The following IL6R variants were observed in gnomAD, a reference collection of about 807,000 sequenced individuals.
IL6R encodes the protein interleukin 6 receptor.
Under a neutral mutation model 48.3 loss-of-function variants are expected in IL6R, and 38 were observed. That is an observed-to-expected ratio of 0.79 (90% CI 0.61 to 1.03). The LOEUF is 1.03. IL6R is among the 50% of genes least tolerant of loss of function. The pLI is 0.00. For missense variants in IL6R, 534 were observed against 618.3 expected, an observed-to-expected ratio of 0.86 and a Z score of 1.45; for synonymous variants, 264 against 256.2, an observed-to-expected ratio of 1.03 and a Z score of -0.29.
At chr1:154,456,858 G>A (rs1395885782) in intron 9 of IL6R, among the ~76,000 whole-genome samples, 1 of 152,154 alleles carries the variant, frequency 6.6e-6, no homozygotes, top group African/African-American at 2.4e-5. Context: ...AAGTTCTGTA[G>A]AGAAGGAAGT....
At chr1:154,430,680 A>T (rs1471504685) in intron 3 of IL6R, 74 bp downstream of exon 3, 2 of 1,579,022 alleles carry the variant, frequency 1.3e-6, no homozygotes, top group Non-Finnish European at 1.7e-6. Flanking sequence ...GGGCTGGTTC[A>T]GGTGATTTCA....
At chr1:154,465,099 A>C in intron 9 of IL6R, 35 bp from the exon 10 acceptor site, 1 of 1,612,312 alleles carries the variant, frequency 6.2e-7, no homozygotes, top group South Asian at 1.1e-5. Context: ...GGAGCTAAAA[A>C]TCTGTGTGGT....
intron 1 of IL6R, among the ~76,000 whole-genome samples, chr1:154,427,396 A>G (rs950707251): frequency 2.0e-5 from 3 of 152,112 alleles, no homozygotes; most frequent in African/African-American, 7.2e-5. Flanking sequence ...CCACCGTGGG[A>G]GAAAGTAAGG....
At chr1:154,456,788 A>G (rs1282349432) in intron 9 of IL6R, among the ~76,000 whole-genome samples, 3 of 152,110 alleles carry the variant, frequency 2.0e-5, no homozygotes, top group Admixed American at 6.5e-5. Context: ...GTAGATGGCA[A>G]TAAGAGTCAT....
At chr1:154,430,222 A>G (rs746641980) in intron 2 of IL6R, among the ~76,000 whole-genome samples, 5 of 152,114 alleles carry the variant, frequency 3.3e-5, no homozygotes, top group Non-Finnish European at 5.9e-5. Flanking sequence ...TCCCCTTCAG[A>G]CAAGTTGGTC....
Position 154,435,995 on chromosome 1 carries a change from C to T in IL6R, c.834C>T (p.Val278=), listed in dbSNP as rs1406348639. Residue 278 remains valine, a synonymous_variant, in exon 6 of 10, where the codon GTC becomes GTT. Transcript: ENST00000368485. ...TCAAGGACCTCCAGCATCACTGTGT[C>T]ATCCACGACGCCTGGAGCGGCCTGA... The part of the protein sequence containing the change: ...WMVKDLQHHC[V]IHDAWSGLRH... 1.9e-6 allele frequency: 3 copies of T among 1,610,468 alleles called. No homozygotes were observed. The highest frequency in any genetic ancestry group is 2.5e-6 in the Non-Finnish European group (3 of 1,177,542).
Position 154,469,440 on chromosome 1 carries a change from C to G in IL6R, c.*4060C>G, listed in dbSNP as rs192354284. ...GAACATTGTGTTTGGAATAAATACT[C>G]TTAAAAAATACCCTTGAAATGTAAT... On this transcript the variant is annotated 3_prime_UTR_variant, in exon 10 of 10. Transcript: ENST00000368485. 4.9e-4 allele frequency: 74 copies of G among 151,258 alleles called. No homozygotes were observed. The highest frequency in any genetic ancestry group is 1.7e-3 in the African/African-American group (72 of 41,146). The allele number at this position is 151,258 out of a possible 1,614,324, so 9.4% of individuals were successfully genotyped here.
intron 1 of IL6R, among the ~76,000 whole-genome samples, chr1:154,419,649 C>G (rs148101676): frequency 6.6e-6 from 1 of 152,086 alleles, no homozygotes; most frequent in African/African-American, 2.4e-5. Context: ...TTAGCAGGCA[C>G]GAGCCAAGCC....
intron 1 of IL6R, among the ~76,000 whole-genome samples, chr1:154,427,935 G>T (rs1012838793): frequency 3.3e-5 from 5 of 152,214 alleles, no homozygotes; most frequent in Admixed American, 2.0e-4. Context: ...AGGAGGTGAG[G>T]TCAGGCACTC....
chr1:154,435,254 A>T, intron 5 of IL6R, 98 bp downstream of exon 5: 1 of 1,191,710 alleles, frequency 8.4e-7, no homozygotes, highest in Non-Finnish European at 1.2e-6. Context: ...TCACGCCTGT[A>T]ATCCCGGCCC....
chr1:154,458,135 T>C (rs1310246322), intron 9 of IL6R, among the ~76,000 whole-genome samples: 1 of 151,546 alleles, frequency 6.6e-6, no homozygotes, highest in African/African-American at 2.4e-5. Context: ...CCTGGCTAAT[T>C]TTTTGTATTT....
At chr1:154,437,494 A>C (rs1689696942) in intron 6 of IL6R, 1 of 447,734 alleles carries the variant, frequency 2.2e-6, no homozygotes, top group African/African-American at 2.0e-5. Context: ...GCTCACGGCA[A>C]CTTCTGCCTC....
intron 1 of IL6R, among the ~76,000 whole-genome samples, chr1:154,425,190 C>T (rs929698435): frequency 1.3e-5 from 2 of 152,124 alleles, no homozygotes; most frequent in Non-Finnish European, 2.9e-5. Flanking sequence ...TTAGTTTTTA[C>T]TACTTCTTTC....
At position 154,405,529 on chromosome 1, in the gene IL6R, G is replaced by GCGCGCCCCCCCCCCCC; in HGVS notation, c.-100_-99insGCGCCCCCCCCCCCCC. The stretch of plus-strand genomic sequence containing the variant: ...CTGCCCCCGGGGCCTGAGCCCGCCT[G>GCGCGCCCCCCCCCCCC]CCCGCCCACCGCCCCGCCCCGCCCC... On this transcript the variant is annotated 5_prime_UTR_variant, in exon 1 of 10. Coordinates refer to ENST00000368485, the MANE Select transcript of IL6R (RefSeq NM_000565.4). The surrounding 1 kb of genome is among the most constrained non-coding windows in gnomAD (Gnocchi z 5.2). The GCGCGCCCCCCCCCCCC allele has an allele frequency of 2.6e-6, 1 of 388,508 alleles. No homozygotes were observed. The highest frequency in any genetic ancestry group is 4.7e-6 in the Non-Finnish European group (1 of 214,592). 24.1% of individuals were successfully genotyped at this position (388,508 alleles called of 1,614,324 possible). A position where few individuals can be genotyped will look rare whatever the true frequency, so the allele number is the denominator to read the frequency against.
chr1:154,457,777 A>G (rs559114744), intron 9 of IL6R, among the ~76,000 whole-genome samples: 1 of 152,222 alleles, frequency 6.6e-6, no homozygotes, highest in Admixed American at 6.5e-5. Context: ...ATGATCTACA[A>G]GTGGAGGAGA....
At chr1:154,446,644 T>G (rs1411144140) in intron 6 of IL6R, among the ~76,000 whole-genome samples, 3 of 152,202 alleles carry the variant, frequency 2.0e-5, no homozygotes, top group Admixed American at 1.3e-4. Flanking sequence ...GCAGAAACAC[T>G]GTTCCCGTGC....
chr1:154,455,036 CT>C (rs1690795646), intron 9 of IL6R, among the ~76,000 whole-genome samples: 2 of 152,144 alleles, frequency 1.3e-5, no homozygotes, highest in Non-Finnish European at 2.9e-5. Context: ...ACCTCAGCCT[CT>C]GGAATAGCTG....
chr1:154,450,860 A>G (rs572925893), intron 8 of IL6R, among the ~76,000 whole-genome samples: 11 of 152,296 alleles, frequency 7.2e-5, no homozygotes, highest in Admixed American at 7.2e-4. Context: ...TCCTGCCTGC[A>G]CTGATGCTGG....
chr1:154,439,948 G>C (rs978660906), intron 6 of IL6R, among the ~76,000 whole-genome samples: 1 of 151,902 alleles, frequency 6.6e-6, no homozygotes, highest in Non-Finnish European at 1.5e-5. Flanking sequence ...ACCCACCCAG[G>C]CTGGAGTGCA....
Sources: allele counts gnomAD v4.1 joint callset (sites outside exome capture counted in the v4.1 genomes callset), GRCh38; gene constraint gnomAD v4.1.1; non-coding constraint Gnocchi (gnomAD v3.1); transcripts MANE v1.5; gene names NCBI Gene and HGNC (gene_info 2026-07-23, HGNC 2026-07-21).